MED23: variants seen among roughly 807,000 people sequenced by gnomAD.
MED23 encodes the protein mediator of RNA polymerase II transcription subunit 23.
MED23 carries 105 observed loss-of-function variants against 163.9 expected under a neutral mutation model. The ratio of observed to expected loss-of-function variants is 0.64; its 90% CI spans 0.55 to 0.75. The LOEUF (loss-of-function observed/expected upper bound fraction) is 0.75. MED23 is among the 30% of genes least tolerant of loss of function. The pLI, the probability that MED23 is intolerant of heterozygous loss-of-function variation, is 0.00. For missense variants in MED23, 1,054 were observed against 1,649.0 expected, an observed-to-expected ratio of 0.64 and a Z score of 6.25; for synonymous variants, 561 against 565.6, an observed-to-expected ratio of 0.99 and a Z score of 0.12.
downstream of MED23, chr6:131,583,676 C>T: frequency 6.4e-7 from 1 of 1,564,534 alleles, no homozygotes; most frequent in Non-Finnish European, 8.8e-7. Flanking sequence ...TCTTTCAAGT[C>T]TGTCTGTACT....
At position 131,616,571 on chromosome 6, in the gene MED23, C is replaced by A. The variant is rs552373620; in HGVS notation, c.781-569G>T. Reference sequence around the variant, plus strand: ...TAGTGGCTCATGCCTGTAATCCCAGCACTTTGGGAGGCCAAGATGGGAAGA... The same window carrying A: ...TAGTGGCTCATGCCTGTAATCCCAGAACTTTGGGAGGCCAAGATGGGAAGA... On this transcript the variant is annotated intron_variant, in intron 9 of 28. Coordinates refer to ENST00000368068, the MANE Select transcript of MED23 (RefSeq NM_004830.4). 7.2e-5 allele frequency among the ~76,000 whole-genome samples: 11 copies of A among 152,282 alleles called. No homozygotes were observed. In the East Asian group the frequency reaches 1.9e-3, roughly 27 times the overall value.
At chr6:131,588,916 T>C (rs921790343) in intron 28 of MED23, among the ~76,000 whole-genome samples, 3 of 152,212 alleles carry the variant, frequency 2.0e-5, no homozygotes, top group Admixed American at 2.0e-4. Flanking sequence ...CTAATACCTA[T>C]TCCAAATGAA....
downstream of MED23, chr6:131,583,262 T>C (rs913483623): frequency 2.1e-5 from 34 of 1,603,846 alleles, no homozygotes; most frequent in Non-Finnish European, 2.7e-5. Flanking sequence ...AAATAATGGG[T>C]TGCTACTTTT....
chr6:131,590,526 T>C lies in MED23; in HGVS notation c.3687-84A>G, dbSNP rs1437733975. On this transcript the variant is annotated intron_variant, in intron 26 of 28. Transcript: ENST00000368068. Reference sequence around the variant, plus strand: ...TGTTCATACAGTATATACAAAGTATTACAATAAAATATAATTTTTTAAAGT... The same window carrying C: ...TGTTCATACAGTATATACAAAGTATCACAATAAAATATAATTTTTTAAAGT... 45 of 866,250 alleles carry C rather than the reference T, an allele frequency of 5.2e-5. No individual in the cohort carries two copies. The East Asian group carries it at 1.1e-3, about 22-fold the overall frequency. The allele number at this position is 866,250 out of a possible 1,614,324, so 53.7% of individuals were successfully genotyped here. A position where few individuals can be genotyped will look rare whatever the true frequency, so the allele number is the denominator to read the frequency against.
chr6:131,618,565 G>A (rs1476829818), intron 8 of MED23, 46 bp from the exon 9 acceptor site: 2 of 1,205,272 alleles, frequency 1.7e-6, no homozygotes, highest in Admixed American at 1.7e-5. Flanking sequence ...GAACACAGCA[G>A]TACTTCATTC....
At chr6:131,622,883 G>A (rs1004814078) in intron 5 of MED23, among the ~76,000 whole-genome samples, 4 of 152,162 alleles carry the variant, frequency 2.6e-5, no homozygotes, top group Non-Finnish European at 1.5e-5. Context: ...TCCCTAAGCC[G>A]TTTTATGAGA....
At chr6:131,602,693 A>C (rs1008158753) in intron 16 of MED23, among the ~76,000 whole-genome samples, 1 of 152,116 alleles carries the variant, frequency 6.6e-6, no homozygotes, top group Non-Finnish European at 1.5e-5. Flanking sequence ...TGTAAAGCAA[A>C]ATCAATGTGA....
downstream of MED23, chr6:131,584,024 C>T (rs1774077627): frequency 8.2e-7 from 1 of 1,217,888 alleles, no homozygotes; most frequent in Non-Finnish European, 1.2e-6. Flanking sequence ...AATGTTTTTC[C>T]AATTAGTATA....
intron 11 of MED23, among the ~76,000 whole-genome samples, chr6:131,608,545 CTT>C (rs1776027614): frequency 6.6e-6 from 1 of 151,702 alleles, no homozygotes. Context: ...TTTCTGTACA[CTT>C]TGTTTCTTGT....
At chr6:131,582,497 T>C (rs972480854), downstream of MED23, 1 of 766,994 alleles carries the variant, frequency 1.3e-6, no homozygotes, top group Non-Finnish European at 2.2e-6. Flanking sequence ...TATTTTTACA[T>C]GATTTCTTCT....
chr6:131,575,015 G>A (rs552184214), intron 30 of MED23, among the ~76,000 whole-genome samples: 2 of 152,240 alleles, frequency 1.3e-5, no homozygotes, highest in Admixed American at 6.5e-5. Flanking sequence ...TTTAGGGATT[G>A]GGCCCAGCTT....
In MED23 at chr6:131,609,326, G is replaced by A. The variant is rs142131606; in HGVS notation, c.1077+720C>T. Among the ~76,000 whole-genome samples the A allele has an allele frequency of 3.4e-3, 515 of 152,018 alleles. 4 individuals carry two copies. The highest frequency in any genetic ancestry group is 0.012 in the African/African-American group (495 of 41,454). ...TTCCTGCCTTCCTTATCTCATCAAC[G>A]ATTTCCCCTTTATATTTTTATTTCC... On this transcript the variant is annotated intron_variant, in intron 11 of 28. Transcript: ENST00000368068.
chr6:131,601,491 G>C (rs1585498923), intron 17 of MED23, among the ~76,000 whole-genome samples: 1 of 152,276 alleles, frequency 6.6e-6, no homozygotes, highest in South Asian at 2.1e-4. Context: ...AAGTTTACTG[G>C]GGGTTTTGGA....
chr6:131,578,382 G>A (rs935398953), intron 30 of MED23, among the ~76,000 whole-genome samples: 14 of 152,124 alleles, frequency 9.2e-5, no homozygotes, highest in African/African-American at 2.9e-4. Context: ...TCAGAACACC[G>A]AACTGAATCA....
intron 28 of MED23, among the ~76,000 whole-genome samples, chr6:131,588,937 A>T (rs1774377361): frequency 6.6e-6 from 1 of 152,138 alleles, no homozygotes; most frequent in South Asian, 2.1e-4. Context: ...AACCCTCCAA[A>T]ATGCTGAGGT....
At chr6:131,589,213 G>T (rs772006980) in intron 28 of MED23, among the ~76,000 whole-genome samples, 123 of 152,078 alleles carry the variant, frequency 8.1e-4, no homozygotes, top group Non-Finnish European at 1.6e-3. Context: ...AACCCTCTAG[G>T]TCTTTTTCAG....
At chr6:131,623,306 A>C in intron 5 of MED23, 45 bp downstream of exon 5, 2 of 1,469,970 alleles carry the variant, frequency 1.4e-6, no homozygotes, top group South Asian at 1.1e-5. Context: ...CCGAAAAATC[A>C]ATCATATCTG....
At chr6:131,608,134 T>C in intron 11 of MED23, 63 bp from the exon 12 acceptor site, 1 of 1,581,232 alleles carries the variant, frequency 6.3e-7, no homozygotes, top group Non-Finnish European at 8.6e-7. Context: ...TACAGGAAGT[T>C]TTTGTTGTTT....
At position 131,627,676 on chromosome 6, in the gene MED23, TAAAA is replaced by T; in HGVS notation, c.40-8_40-5del. The T allele has an allele frequency of 1.4e-6, 2 of 1,458,930 alleles. No homozygotes were observed. The highest frequency in any genetic ancestry group is 1.5e-5 in the African/African-American group (1 of 66,102). The allele number at this position is 1,458,930 out of a possible 1,614,324, so 90.4% of individuals were successfully genotyped here. ...CCTCTTCTATAACTTCCGTTTTCTG[TAAAA>T]AAAAAAAAAACAAAATGTAAACAAT... On this transcript the variant is annotated splice_region_variant and splice_polypyrimidine_tract_variant and intron_variant, in intron 1 of 28. Coordinates refer to ENST00000368068, the MANE Select transcript of MED23 (RefSeq NM_004830.4).
Sources: gnomAD v4.1 joint callset for allele counts (sites outside exome capture counted in the v4.1 genomes callset) on GRCh38, gnomAD v4.1.1 for gene constraint, MANE v1.5 for transcripts, NCBI Gene and HGNC (gene_info 2026-07-23, HGNC 2026-07-21) for gene names.